The following ANKRD7 variants were observed in gnomAD, a reference collection of about 807,000 sequenced individuals.
The protein encoded by ANKRD7 is ankyrin repeat domain-containing protein 7.
A neutral mutation model predicts 30.8 loss-of-function variants in ANKRD7; 30 were observed. The observed-to-expected ratio is 0.97, with a 90% CI of 0.73 to 1.32. The LOEUF (loss-of-function observed/expected upper bound fraction) is 1.32. Among genes scored for constraint, ANKRD7 ranks in the 40% most tolerant of loss-of-function variants. ANKRD7 has a pLI of 0.00. For synonymous variants in ANKRD7, 97 were observed against 106.6 expected (o/e 0.91, Z 0.55); for missense variants, 264 against 295.7 (o/e 0.89, Z 0.79).
rs537205195 is a variant in ANKRD7, at chr7:118,234,392, G to A, written c.180-39G>A. 1.1e-5 allele frequency: 15 copies of A among 1,408,232 alleles called. No homozygotes were observed. The East Asian group carries it at 1.9e-4, about 18-fold the overall frequency. The allele number at this position is 1,408,232 out of a possible 1,614,324, so 87.2% of individuals were successfully genotyped here. On this transcript the variant is annotated intron_variant, in intron 1 of 6. Transcript: ENST00000265224. ...TAAAACAAGTAACTTCTCAAACGAAGACTTATCTCTAACTTTGTGTTTTGT... is the reference window on the plus strand; with the variant it reads ...TAAAACAAGTAACTTCTCAAACGAAAACTTATCTCTAACTTTGTGTTTTGT...
chr7:118,236,972 A>T, intron 5 of ANKRD7, 46 bp downstream of exon 5: 3 of 1,596,124 alleles, frequency 1.9e-6, no homozygotes, highest in Non-Finnish European at 1.7e-6. Context: ...GGGTTTGATT[A>T]TAAGGATCAA....
intron 6 of ANKRD7, among the ~76,000 whole-genome samples, chr7:118,240,624 A>G (rs975944882): frequency 1.3e-5 from 2 of 152,092 alleles, no homozygotes; most frequent in African/African-American, 4.8e-5. Flanking sequence ...TTTTTAACCC[A>G]TTGTCTCATG....
At chr7:118,236,764 G>A in intron 4 of ANKRD7, 26 bp from the exon 5 acceptor site, 1 of 1,603,426 alleles carries the variant, frequency 6.2e-7, no homozygotes, top group South Asian at 1.1e-5. Context: ...CTTTACATGG[G>A]CATTCATTTC....
chr7:118,227,836 C>A, intron 1 of ANKRD7: 1 of 1,269,404 alleles, frequency 7.9e-7, no homozygotes. Context: ...CATCTTTCAT[C>A]ACAGGTGGGT....
At chr7:118,225,110 C>T (rs948804212) in intron 1 of ANKRD7, 101 bp downstream of exon 1, 19 of 1,328,482 alleles carry the variant, frequency 1.4e-5, no homozygotes, top group African/African-American at 4.5e-5. Context: ...ATTGTCACTC[C>T]GGGTTTCCCA....
rs1809510124 is a variant in ANKRD7 at position 118,224,821 on chromosome 7, C to A, written c.-10C>A. The A allele has an allele frequency of 6.2e-7, 1 of 1,609,180 alleles. No individual in the cohort carries two copies. Among genetic ancestry groups the A allele is most frequent in the Admixed American group, 1.7e-5 (1 of 58,624 alleles). On this transcript the variant is annotated 5_prime_UTR_variant, in exon 1 of 7. The change creates a new upstream start codon in the 5' untranslated region. Transcript: ENST00000265224. ...CCTGGTCTGAGGGAAAGGCTGCAGC[C>A]TGCACCGCCATGAATAAGCTTTTCA...
rs199658647 is a variant in ANKRD7 at position 118,236,068 on chromosome 7, G to A, written c.496G>A (p.Val166Ile). 3,839 of 1,601,286 alleles carry A rather than the reference G, an allele frequency of 2.4e-3. 9 individuals are homozygous for A. Among genetic ancestry groups the A allele is most frequent in the Non-Finnish European group, 2.8e-3 (3,320 of 1,170,546 alleles). Residue 166 changes from valine to isoleucine, a missense_variant, in exon 4 of 7, where the codon GTT (valine) becomes ATT (isoleucine). Coordinates refer to ENST00000265224, the MANE Select transcript of ANKRD7 (RefSeq NM_019644.4). ...TGGGTATACTCCACTATTAGTTGCCGTTATTAACAATAATCCAAAAATGGT... is the reference window on the plus strand; with the variant it reads ...TGGGTATACTCCACTATTAGTTGCCATTATTAACAATAATCCAAAAATGGT... ...KDGYTPLLVA[V>I]INNNPKMVKF...
chr7:118,232,996 AC>A (rs1809666504), intron 1 of ANKRD7, among the ~76,000 whole-genome samples: 5 of 152,102 alleles, frequency 3.3e-5, no homozygotes, highest in Admixed American at 3.3e-4. Flanking sequence ...AACTCCTATT[AC>A]ATAAGGAATT....
At chr7:118,241,885 CCTCT>C (rs1214128266) in intron 6 of ANKRD7, among the ~76,000 whole-genome samples, 3 of 151,946 alleles carry the variant, frequency 2.0e-5, no homozygotes, top group Non-Finnish European at 4.4e-5. Context: ...TTCTCCTGCA[CCTCT>C]CTCTCTCTTT....
intron 1 of ANKRD7, among the ~76,000 whole-genome samples, chr7:118,227,264 C>A (rs927566512): frequency 1.3e-5 from 2 of 152,148 alleles, no homozygotes; most frequent in Non-Finnish European, 1.5e-5. Context: ...TATCTCCCCC[C>A]AAACTTTGTT....
intron 4 of ANKRD7, 60 bp downstream of exon 4, chr7:118,236,207 C>CGTGTGT (rs370465561): frequency 0.011 from 6,466 of 594,378 alleles, 249 homozygotes; most frequent in East Asian, 0.057. Flanking sequence ...TGTGTGTGTG[C>CGTGTGT]GTATGTGTGT....
At chr7:118,225,209 G>C (rs1809520473) in intron 1 of ANKRD7, among the ~76,000 whole-genome samples, 200 bp downstream of exon 1, 1 of 152,030 alleles carries the variant, frequency 6.6e-6, no homozygotes, top group South Asian at 2.1e-4. Flanking sequence ...ATGCTGGGCC[G>C]GGCGTGGTTG....
At chr7:118,234,017 C>T (rs1397129519) in intron 1 of ANKRD7, among the ~76,000 whole-genome samples, 1 of 152,080 alleles carries the variant, frequency 6.6e-6, no homozygotes, top group Admixed American at 6.5e-5. Flanking sequence ...TAAAGAAAAA[C>T]ACACAATTAG....
chr7:118,236,029 TA>T lies in ANKRD7; in HGVS notation c.469-11del, dbSNP rs778324530. 13 of 1,394,660 alleles carry T rather than the reference TA, an allele frequency of 9.3e-6. No individual in the cohort carries two copies. The highest frequency in any genetic ancestry group is 4.3e-5 in the Admixed American group (2 of 46,512). The allele number at this position is 1,394,660 out of a possible 1,614,324, so 86.4% of individuals were successfully genotyped here. On this transcript the variant is annotated splice_polypyrimidine_tract_variant and intron_variant, in intron 3 of 6. Transcript: ENST00000265224. ...CTACAATATTTTAATCATTTTTAAATATTTTTTTCAGGATGGGTATACTCCA... is the reference window on the plus strand; with the variant it reads ...CTACAATATTTTAATCATTTTTAAATTTTTTTTCAGGATGGGTATACTCCA...
At chr7:118,232,585 A>AT (rs1274729161) in intron 1 of ANKRD7, among the ~76,000 whole-genome samples, 1 of 151,958 alleles carries the variant, frequency 6.6e-6, no homozygotes, top group Admixed American at 6.6e-5. Context: ...GAGCCATGAA[A>AT]TTTTTTTATG....
At chr7:118,227,924 A>T (rs766249182) in intron 1 of ANKRD7, 3 of 1,341,412 alleles carry the variant, frequency 2.2e-6, no homozygotes, top group Non-Finnish European at 3.0e-6. Flanking sequence ...TTTTTTTAAC[A>T]AAAACAGTGT....
At chr7:118,236,584 C>G (rs1809733812) in intron 4 of ANKRD7, among the ~76,000 whole-genome samples, 1 of 152,012 alleles carries the variant, frequency 6.6e-6, no homozygotes, top group African/African-American at 2.4e-5. Context: ...TAGCTGCTTC[C>G]TAGGTACTGT....
At chr7:118,241,185 A>AT (rs1248159159) in intron 6 of ANKRD7, among the ~76,000 whole-genome samples, 20 of 150,434 alleles carry the variant, frequency 1.3e-4, no homozygotes, top group East Asian at 3.9e-4. Flanking sequence ...AAAAAAAAAA[A>AT]AGAATATATA....
intron 5 of ANKRD7, among the ~76,000 whole-genome samples, chr7:118,238,413 C>G (rs769805745): frequency 1.3e-5 from 2 of 152,116 alleles, no homozygotes; most frequent in Non-Finnish European, 2.9e-5. Context: ...TTGCAAGTGA[C>G]TCTTCAAAAC....
Sources: gnomAD v4.1 joint callset for allele counts (sites outside exome capture counted in the v4.1 genomes callset) on GRCh38, gnomAD v4.1.1 for gene constraint, MANE v1.5 for transcripts, NCBI Gene and HGNC (gene_info 2026-07-23, HGNC 2026-07-21) for gene names.